MYO1B: variants seen among roughly 807,000 people sequenced by gnomAD.
The protein encoded by MYO1B is unconventional myosin-Ib.
In MYO1B, 72 loss-of-function variants were observed where a neutral mutation model predicts 159.7. The ratio of observed to expected loss-of-function variants is 0.45; its 90% CI spans 0.37 to 0.55. MYO1B has a LOEUF of 0.55. Among genes scored for constraint, MYO1B ranks in the 20% least tolerant of loss-of-function variants. The probability of loss-of-function intolerance (pLI) is 0.00; values close to 1 mark genes in which losing one functional copy is unlikely to be tolerated. For synonymous variants in MYO1B, 468 were observed against 473.8 expected (o/e 0.99, Z 0.16); for missense variants, 1,062 against 1,364.8 (o/e 0.78, Z 3.50).
At chr2:191,297,340 G>A (rs1411569838) in intron 3 of MYO1B, among the ~76,000 whole-genome samples, 1 of 152,196 alleles carries the variant, frequency 6.6e-6, no homozygotes, top group Non-Finnish European at 1.5e-5. Context: ...GCAGACGGGA[G>A]TTGGTTGATG....
intron 24 of MYO1B, among the ~76,000 whole-genome samples, chr2:191,406,714 C>T (rs1696936440): frequency 1.3e-5 from 2 of 152,238 alleles, no homozygotes; most frequent in Admixed American, 1.3e-4. Context: ...TGAGAATTAT[C>T]AAAATGTGAC....
chr2:191,281,226 T>G (rs1004337825), intron 2 of MYO1B, among the ~76,000 whole-genome samples: 1 of 152,174 alleles, frequency 6.6e-6, no homozygotes, highest in Non-Finnish European at 1.5e-5. Context: ...TGTGGCCTGG[T>G]TGAGTCTCTA....
chr2:191,294,796 TTA>T (rs146354960), intron 2 of MYO1B, among the ~76,000 whole-genome samples: 2 of 151,564 alleles, frequency 1.3e-5, no homozygotes, highest in Non-Finnish European at 2.9e-5. Context: ...GAAAGTGTGT[TTA>T]TATATATATA....
At chr2:191,257,977 T>A (rs1422945767) in intron 1 of MYO1B, among the ~76,000 whole-genome samples, 1 of 152,242 alleles carries the variant, frequency 6.6e-6, no homozygotes, top group East Asian at 1.9e-4. Flanking sequence ...AAAATCTAGT[T>A]TTATAAAATG....
At chr2:191,296,505 T>G (rs1321917408) in intron 3 of MYO1B, among the ~76,000 whole-genome samples, 1 of 152,228 alleles carries the variant, frequency 6.6e-6, no homozygotes, top group Non-Finnish European at 1.5e-5. Context: ...CTAATTATTT[T>G]TGCAAATAAA....
intron 1 of MYO1B, among the ~76,000 whole-genome samples, chr2:191,264,722 C>G (rs957301472): frequency 1.3e-5 from 2 of 151,454 alleles, no homozygotes; most frequent in African/African-American, 4.9e-5. Context: ...AGTAATGTCA[C>G]TGAGAGAGAT....
intron 6 of MYO1B, among the ~76,000 whole-genome samples, chr2:191,349,557 G>A (rs1345645485): frequency 6.6e-6 from 1 of 152,180 alleles, no homozygotes; most frequent in Non-Finnish European, 1.5e-5. Context: ...GTGTGTTTCT[G>A]TGTGTTTAAG....
At position 191,424,977 on chromosome 2, in the gene MYO1B, C is replaced by T. The variant is rs1698140060; in HGVS notation, c.*1017C>T. On this transcript the variant is annotated 3_prime_UTR_variant, in exon 31 of 31. Transcript: ENST00000392318. ...GAGAAAGGTGATTGGTACAGGGTGC[C>T]TATTTTAGTCATGGATCAAAATTTG... 6.6e-6 allele frequency: 1 copy of T among 152,448 alleles called. No homozygotes were observed. Among genetic ancestry groups the T allele is most frequent in the Non-Finnish European group, 1.5e-5 (1 of 67,944 alleles). 9.4% of individuals were successfully genotyped at this position (152,448 alleles called of 1,614,324 possible).
chr2:191,408,080 C>A, intron 24 of MYO1B, 35 bp from the exon 25 acceptor site: 1 of 1,457,488 alleles, frequency 6.9e-7, no homozygotes, highest in Non-Finnish European at 9.6e-7. Context: ...ACCAGCCACA[C>A]ATTAACCACT....
intron 21 of MYO1B, 75 bp downstream of exon 21, chr2:191,396,572 A>C (rs1574599540): frequency 6.9e-7 from 1 of 1,455,724 alleles, no homozygotes. Context: ...CTTTAGGGTC[A>C]CCCTGCAGAG....
At chr2:191,360,338 A>G (rs1693582810) in intron 7 of MYO1B, among the ~76,000 whole-genome samples, 1 of 152,196 alleles carries the variant, frequency 6.6e-6, no homozygotes, top group African/African-American at 2.4e-5. Flanking sequence ...CAGGAATTTA[A>G]TGTCATCATA....
In MYO1B at chr2:191,355,106, A is replaced by C. The variant is rs887093185; in HGVS notation, c.562+4881A>C. ...TTGTCCTCTCTTGCTGATCTTGGGA[A>C]TTCACTATCACCATCATGTGAATGA... On this transcript the variant is annotated intron_variant, in intron 7 of 30. Transcript: ENST00000392318. Among the ~76,000 whole-genome samples the C allele has an allele frequency of 2.6e-5, 4 of 152,226 alleles. No homozygotes were observed. The South Asian group carries it at 8.3e-4, about 31-fold the overall frequency.
intron 17 of MYO1B, among the ~76,000 whole-genome samples, chr2:191,389,619 G>C (rs1234303603): frequency 6.6e-6 from 1 of 152,220 alleles, no homozygotes; most frequent in African/African-American, 2.4e-5. Context: ...CTAGTGGCCA[G>C]AAGTTGCTCA....
intron 11 of MYO1B, among the ~76,000 whole-genome samples, chr2:191,367,809 C>T (rs1360934977): frequency 1.3e-5 from 2 of 152,002 alleles, no homozygotes; most frequent in African/African-American, 4.8e-5. Flanking sequence ...TAGTAGTAGA[C>T]GAAAAGGATA....
chr2:191,376,712 C>T (rs1035369564), intron 13 of MYO1B, among the ~76,000 whole-genome samples: 5 of 152,134 alleles, frequency 3.3e-5, no homozygotes, highest in African/African-American at 7.2e-5. Flanking sequence ...TTGGACTGCT[C>T]GCTGTTTCAA....
chr2:191,305,896 G>T (rs2125844607), intron 3 of MYO1B, among the ~76,000 whole-genome samples: 1 of 152,200 alleles, frequency 6.6e-6, no homozygotes, highest in South Asian at 2.1e-4. Flanking sequence ...TAGGACTCTA[G>T]GCTCAGGAGA....
chr2:191,339,976 T>C (rs1397012616), intron 4 of MYO1B, among the ~76,000 whole-genome samples: 1 of 152,206 alleles, frequency 6.6e-6, no homozygotes, highest in African/African-American at 2.4e-5. Context: ...TGCCTCATTA[T>C]ACCTGTAGGC....
intron 8 of MYO1B, among the ~76,000 whole-genome samples, chr2:191,361,950 T>C (rs1693697197): frequency 6.6e-6 from 1 of 152,126 alleles, no homozygotes; most frequent in Non-Finnish European, 1.5e-5. Context: ...ACATATGTTA[T>C]AATGAAATAA....
At position 191,414,078 on chromosome 2, in the gene MYO1B, G is replaced by C; in HGVS notation, c.2904G>C (p.Leu968=). The C allele has an allele frequency of 6.2e-7, 1 of 1,611,540 alleles. No homozygotes were observed. Among genetic ancestry groups the C allele is most frequent in the Non-Finnish European group, 8.5e-7 (1 of 1,178,838 alleles). ...SVGQPFQGAY[L]EINKNPKYKK... is the part of the protein sequence containing the mutation. ...GGCAACCATTCCAAGGGGCTTACCT[G>C]GAAATCAACAAGAACCCCAAGTATA... The change falls in exon 28 of 31, where the codon CTG becomes CTC. Residue 968 remains leucine (L), a synonymous_variant. Coordinates refer to ENST00000392318, the MANE Select transcript of MYO1B (RefSeq NM_001130158.3).
Sources: allele counts gnomAD v4.1 joint callset (sites outside exome capture counted in the v4.1 genomes callset), GRCh38; gene constraint gnomAD v4.1.1; transcripts MANE v1.5; gene names NCBI Gene and HGNC (gene_info 2026-07-23, HGNC 2026-07-21).